Variants in ST7L observed in about 807,000 individuals in gnomAD.
ST7L encodes suppressor of tumorigenicity 7 protein-like.
In ST7L, 57 loss-of-function variants were observed where a neutral mutation model predicts 72.5. That is an observed-to-expected ratio of 0.79 (90% CI 0.64 to 0.98). The LOEUF (loss-of-function observed/expected upper bound fraction) is 0.98. ST7L is among the 50% of genes least tolerant of loss of function. The pLI is 0.00. For missense variants in ST7L, 576 were observed against 672.2 expected (o/e 0.86, Z 1.58); for synonymous variants, 221 against 240.9 (o/e 0.92, Z 0.77).
Position 112,576,895 on chromosome 1 carries a change from C to A in ST7L, c.1245+91G>T, listed in dbSNP as rs866101574. 11 of 934,790 alleles carry A rather than the reference C, an allele frequency of 1.2e-5. No homozygotes were observed. In the Middle Eastern group the frequency reaches 1.0e-3, roughly 89 times the overall value. 57.9% of individuals were successfully genotyped at this position (934,790 alleles called of 1,614,324 possible). ...ATAGCAGATTAAAACAATTCTGCAC[C>A]AAATTATGGTGACCCAGACTCTGGT... On this transcript the variant is annotated intron_variant, in intron 11 of 14. Transcript: ENST00000358039.
chr1:112,580,038 G>A (rs1663833182), intron 9 of ST7L, among the ~76,000 whole-genome samples: 1 of 152,186 alleles, frequency 6.6e-6, no homozygotes, highest in Admixed American at 6.5e-5. Flanking sequence ...ATGTTTAAAA[G>A]AAGTAAACTT....
In ST7L at chr1:112,597,143, G is replaced by T. The variant is rs541573175; in HGVS notation, c.622+828C>A. The stretch of plus-strand genomic sequence containing the variant: ...ATAAATTAACTAAAGTTACTTCATA[G>T]AGGTTTAGACAAAGTAGTATAGAAC... On this transcript the variant is annotated intron_variant, in intron 5 of 14. Transcript: ENST00000358039. 1.2e-4 allele frequency among the ~76,000 whole-genome samples: 19 copies of T among 152,302 alleles called. No homozygotes were observed. The East Asian group carries it at 2.9e-3, about 23-fold the overall frequency.
At chr1:112,520,876 C>A, downstream of ST7L, 1 of 230,418 alleles carries the variant, frequency 4.3e-6, no homozygotes, top group Non-Finnish European at 8.5e-6. Flanking sequence ...AGGAAGGGTA[C>A]CTGTAGAGAG....
chr1:112,591,730 T>A, intron 5 of ST7L, 127 bp from the exon 6 acceptor site: 1 of 534,480 alleles, frequency 1.9e-6, no homozygotes, highest in Non-Finnish European at 3.2e-6. Flanking sequence ...AACAAGAAAC[T>A]AGGTTATTAG....
At position 112,595,974 on chromosome 1, in the gene ST7L, T is replaced by C. The variant is rs149209726; in HGVS notation, c.622+1997A>G. Among the ~76,000 whole-genome samples the C allele has an allele frequency of 5.6e-4, 86 of 152,292 alleles. 2 individuals are homozygous for C. In the East Asian group the frequency reaches 0.014, roughly 26 times the overall value. ...CCACAACTTCAGTAGATAGCCATGA[T>C]TGCTATTTTAAAAGCCTGCTGACGT... On this transcript the variant is annotated intron_variant, in intron 5 of 14. Coordinates refer to ENST00000358039, the MANE Select transcript of ST7L (RefSeq NM_017744.5).
chr1:112,594,437 T>C (rs1666140680), intron 5 of ST7L, among the ~76,000 whole-genome samples: 1 of 152,186 alleles, frequency 6.6e-6, no homozygotes. Context: ...TCAAGTATAT[T>C]ACAGAATGAA....
At chr1:112,587,164 CTTGA>C (rs1214445279) in intron 6 of ST7L, among the ~76,000 whole-genome samples, 2 of 152,122 alleles carry the variant, frequency 1.3e-5, no homozygotes, top group Non-Finnish European at 2.9e-5. Context: ...CATTTAGGTC[CTTGA>C]TTGATTTTTA....
chr1:112,591,473 T>G, intron 6 of ST7L, 52 bp downstream of exon 6: 1 of 1,494,148 alleles, frequency 6.7e-7, no homozygotes, highest in Non-Finnish European at 9.2e-7. Flanking sequence ...TAAAAATCAT[T>G]TGCCTTGGTT....
At chr1:112,529,835 TG>T (rs1654086373) in intron 14 of ST7L, 1 of 151,646 alleles carries the variant, frequency 6.6e-6, no homozygotes, top group African/African-American at 2.4e-5. Flanking sequence ...AGGAGCTCAG[TG>T]GAACTGGGGT....
chr1:112,521,285 G>A (rs1429777828), downstream of ST7L: 1 of 147,572 alleles, frequency 6.8e-6, no homozygotes. Context: ...GATTAATGTA[G>A]TAAGTCTGGC....
At chr1:112,540,355 G>A (rs1655907850) in intron 14 of ST7L, 4 of 985,336 alleles carry the variant, frequency 4.1e-6, no homozygotes, top group Non-Finnish European at 4.8e-6. Context: ...TTTATTCGAT[G>A]CCAGATTACA....
downstream of ST7L, chr1:112,520,183 G>C: frequency 7.8e-7 from 1 of 1,283,524 alleles, no homozygotes. Flanking sequence ...GCCCAAAAAA[G>C]CGATTCTTTT....
At chr1:112,616,675 G>A (rs182423478) in intron 2 of ST7L, 138 bp downstream of exon 2, 2 of 525,928 alleles carry the variant, frequency 3.8e-6, no homozygotes, top group Non-Finnish European at 6.8e-6. Context: ...CCTGGAAGGC[G>A]GAAGTTGCAG....
intron 11 of ST7L, among the ~76,000 whole-genome samples, chr1:112,569,476 A>G (rs1218230269): frequency 3.3e-5 from 5 of 152,268 alleles, no homozygotes; most frequent in Non-Finnish European, 7.3e-5. Flanking sequence ...TGAAAAGTCC[A>G]GAATAGGCAA....
At chr1:112,527,393 C>G (rs1653624573) in intron 14 of ST7L, 1 of 152,728 alleles carries the variant, frequency 6.5e-6, no homozygotes, top group Non-Finnish European at 1.5e-5. Context: ...CTGCTTCCCA[C>G]CCCCAACTGC....
intron 14 of ST7L, among the ~76,000 whole-genome samples, chr1:112,531,660 C>A (rs1280629877): frequency 6.6e-6 from 1 of 152,184 alleles, no homozygotes; most frequent in Non-Finnish European, 1.5e-5. Context: ...TATACTAATA[C>A]ATCTTCATGC....
intron 4 of ST7L, 49 bp from the exon 5 acceptor site, chr1:112,598,135 T>A: frequency 7.4e-7 from 1 of 1,359,100 alleles, no homozygotes; most frequent in East Asian, 2.4e-5. Flanking sequence ...AGAGAGCATC[T>A]ATCTGCTATA....
At chr1:112,580,977 A>G (rs1042124825) in intron 9 of ST7L, among the ~76,000 whole-genome samples, 3 of 152,216 alleles carry the variant, frequency 2.0e-5, no homozygotes, top group Non-Finnish European at 4.4e-5. Context: ...TACCATGGAA[A>G]GACTAATGAA....
intron 14 of ST7L, among the ~76,000 whole-genome samples, chr1:112,541,216 G>A (rs1016466332): frequency 6.6e-6 from 1 of 151,912 alleles, no homozygotes; most frequent in Admixed American, 6.6e-5. Flanking sequence ...CCCAGGAGGC[G>A]GAGGCTGCAG....
Sources: gnomAD v4.1 joint callset for allele counts (sites outside exome capture counted in the v4.1 genomes callset) on GRCh38, gnomAD v4.1.1 for gene constraint, MANE v1.5 for transcripts, NCBI Gene and HGNC (gene_info 2026-07-23, HGNC 2026-07-21) for gene names.